The following PTBP3 variants were observed in gnomAD, a reference collection of about 807,000 sequenced individuals.
The protein encoded by PTBP3 is polypyrimidine tract-binding protein 3.
In PTBP3, 20 loss-of-function variants were observed where a neutral mutation model predicts 58.7. That is an observed-to-expected ratio of 0.34 (90% confidence interval 0.24 to 0.50). The LOEUF (loss-of-function observed/expected upper bound fraction) is 0.50. Ranked by LOEUF, PTBP3 falls within the 20% of genes least tolerant of loss-of-function variation. The probability of loss-of-function intolerance (pLI) is 0.98; values close to 1 mark genes in which losing one functional copy is unlikely to be tolerated. For missense variants in PTBP3, 509 were observed against 637.2 expected (o/e 0.80, Z 2.17); for synonymous variants, 185 against 219.8 (o/e 0.84, Z 1.40).
At chr9:112,279,640 C>CCAAA (rs1258228592) in intron 2 of PTBP3, among the ~76,000 whole-genome samples, 1 of 151,920 alleles carries the variant, frequency 6.6e-6, no homozygotes, top group East Asian at 2.0e-4. Flanking sequence ...GTCCTCCCTA[C>CCAAA]CAAACCCCCA....
At chr9:112,357,297 T>C in the PTBP3 span, among the ~76,000 whole-genome samples, 1 of 152,346 alleles carries the variant, frequency 6.6e-6, no homozygotes, top group Admixed American at 6.5e-5. Flanking sequence ...CTACTGCATA[T>C]TCCAATTTGT....
chr9:112,230,962 C>CTGTAGACAATAATAAAATAGCAAAAA (rs1564390225), intron 10 of PTBP3, among the ~76,000 whole-genome samples: 4 of 151,002 alleles, frequency 2.6e-5, no homozygotes, highest in African/African-American at 9.9e-5. Flanking sequence ...GATTTTGACC[C>CTGTAGACAATAATAAAATAGCAAAAA]TACGCAGCTG....
chr9:112,267,488 C>A (rs1222411350), intron 4 of PTBP3, among the ~76,000 whole-genome samples: 1 of 152,192 alleles, frequency 6.6e-6, no homozygotes, highest in Non-Finnish European at 1.5e-5. Flanking sequence ...TAAAGATTTT[C>A]TGTCCTTAAA....
In PTBP3 at chr9:112,223,331, T is replaced by A; in HGVS notation, c.*520A>T. ...TCAATGTGTTTATGCATAATAACCATCAATATATGGCAAAGATCTGATGTA... is the reference window on the plus strand; with the variant it reads ...TCAATGTGTTTATGCATAATAACCAACAATATATGGCAAAGATCTGATGTA... On this transcript the variant is annotated 3_prime_UTR_variant, in exon 14 of 14. Transcript: ENST00000374257. 1.0e-6 allele frequency: 1 copy of A among 974,246 alleles called. No individual in the cohort carries two copies. 60.4% of individuals were successfully genotyped at this position (974,246 alleles called of 1,614,324 possible). A position where few individuals can be genotyped will look rare whatever the true frequency, so the allele number is the denominator to read the frequency against.
At chr9:112,254,789 G>T (rs1836278747) in intron 5 of PTBP3, among the ~76,000 whole-genome samples, 1 of 152,160 alleles carries the variant, frequency 6.6e-6, no homozygotes, top group Non-Finnish European at 1.5e-5. Context: ...AAATGTTACA[G>T]CCACTATGGA....
At chr9:112,295,881 A>G (rs1461424087) in intron 2 of PTBP3, among the ~76,000 whole-genome samples, 4 of 152,192 alleles carry the variant, frequency 2.6e-5, no homozygotes, top group African/African-American at 4.8e-5. Context: ...TTGTAGGTAA[A>G]GGTTCGGGGA....
At chr9:112,309,293 C>T (rs921919622) in intron 1 of PTBP3, among the ~76,000 whole-genome samples, 8 of 151,998 alleles carry the variant, frequency 5.3e-5, no homozygotes, top group African/African-American at 1.4e-4. Context: ...GTGAACACTT[C>T]CCAGGACAGA....
the PTBP3 span, among the ~76,000 whole-genome samples, chr9:112,343,734 T>C: frequency 4.0e-5 from 6 of 150,216 alleles, no homozygotes; most frequent in African/African-American, 1.5e-4. Flanking sequence ...GAGTTTGCAG[T>C]GAGCTGAGAC....
At chr9:112,357,540 G>A in the PTBP3 span, among the ~76,000 whole-genome samples, 296 of 152,134 alleles carry the variant, frequency 1.9e-3, 1 homozygote, top group South Asian at 0.017. Flanking sequence ...ATAGAGACAG[G>A]GTTTTATCAT....
At chr9:112,306,113 A>T (rs1829193056) in intron 1 of PTBP3, among the ~76,000 whole-genome samples, 1 of 152,074 alleles carries the variant, frequency 6.6e-6, no homozygotes, top group African/African-American at 2.4e-5. Flanking sequence ...CAGTTGGCCT[A>T]ATTCTTCACA....
At chr9:112,268,779 G>C (rs1484740700) in intron 3 of PTBP3, among the ~76,000 whole-genome samples, 1 of 151,284 alleles carries the variant, frequency 6.6e-6, no homozygotes, top group Non-Finnish European at 1.5e-5. Flanking sequence ...GCAGTTTTCG[G>C]TTTTCCTTTT....
chr9:112,309,109 AAAGAT>A (rs1361864602), intron 1 of PTBP3, among the ~76,000 whole-genome samples: 1 of 152,236 alleles, frequency 6.6e-6, no homozygotes, highest in Non-Finnish European at 1.5e-5. Context: ...AAATTCAAGA[AAAGAT>A]ATTTGTTTTA....
At chr9:112,340,531 C>A in the PTBP3 span, among the ~76,000 whole-genome samples, 1 of 152,156 alleles carries the variant, frequency 6.6e-6, no homozygotes, top group Non-Finnish European at 1.5e-5. Context: ...TCTTCTCTTT[C>A]ATTTGTTCTG....
At chr9:112,226,622 G>C (rs1834999623) in intron 12 of PTBP3, among the ~76,000 whole-genome samples, 1 of 152,156 alleles carries the variant, frequency 6.6e-6, no homozygotes. Flanking sequence ...TAAAGGGCCA[G>C]ACAGTAAATA....
At chr9:112,370,919 ATTAT>A in the PTBP3 span, among the ~76,000 whole-genome samples, 37 of 151,876 alleles carry the variant, frequency 2.4e-4, no homozygotes, top group East Asian at 6.0e-3. Flanking sequence ...TCCTTTTTGG[ATTAT>A]TTATTACTAG....
intron 1 of PTBP3, among the ~76,000 whole-genome samples, chr9:112,319,527 T>C (rs962969103): frequency 6.6e-6 from 1 of 152,182 alleles, no homozygotes; most frequent in Non-Finnish European, 1.5e-5. Context: ...TCTGTTAGAA[T>C]AGCTATTATC....
chr9:112,321,996 A>G (rs1051430894), intron 1 of PTBP3, among the ~76,000 whole-genome samples: 2 of 152,024 alleles, frequency 1.3e-5, no homozygotes, highest in African/African-American at 4.8e-5. Context: ...TTAGCCAGGC[A>G]TGGCAGCGTG....
intron 1 of PTBP3, among the ~76,000 whole-genome samples, chr9:112,309,531 T>C (rs544680165): frequency 5.9e-5 from 9 of 152,270 alleles, no homozygotes; most frequent in African/African-American, 1.9e-4. Flanking sequence ...ACTCCTGTAA[T>C]CCCAGCACTT....
chr9:112,287,341 GTT>G lies in PTBP3; in HGVS notation c.34+10489_34+10490del, dbSNP rs59039980. ...CTGTTCACTTCTTTTTCAGTTTTTT[GTT>G]TTTTTTTTTTTTTTGAGACAGAGTC... On this transcript the variant is annotated intron_variant, in intron 2 of 13. Transcript: ENST00000374257. 6.6e-4 allele frequency among the ~76,000 whole-genome samples: 84 copies of G among 127,192 alleles called. 1 individual carries two copies. The East Asian group carries it at 8.4e-3, about 13-fold the overall frequency. The allele number at this position is 127,192 out of a possible 152,430, so 83.4% of individuals were successfully genotyped here.
Sources: allele counts gnomAD v4.1 joint callset (sites outside exome capture counted in the v4.1 genomes callset), GRCh38; gene constraint gnomAD v4.1.1; transcripts MANE v1.5; gene names NCBI Gene and HGNC (gene_info 2026-07-23, HGNC 2026-07-21).